The following CCDC178 variants were observed in gnomAD, a reference collection of about 807,000 sequenced individuals.
The protein encoded by CCDC178 is coiled-coil domain-containing protein 178.
CCDC178 carries 126 observed loss-of-function variants against 117.4 expected under a neutral mutation model. That is an observed-to-expected ratio of 1.07 (90% confidence interval 0.93 to 1.24). The LOEUF (loss-of-function observed/expected upper bound fraction) is 1.24. Ranked by LOEUF, CCDC178 falls within the 50% of genes most tolerant of loss-of-function variation. The probability of loss-of-function intolerance (pLI) is 0.00; values close to 1 mark genes in which losing one functional copy is unlikely to be tolerated. For missense variants in CCDC178, 1,030 were observed against 986.9 expected (o/e 1.04, Z -0.59); for synonymous variants, 283 against 313.4 (o/e 0.90, Z 1.02).
intron 20 of CCDC178, among the ~76,000 whole-genome samples, chr18:33,181,241 C>T (rs1383413355): frequency 2.0e-5 from 3 of 151,924 alleles, no homozygotes; most frequent in African/African-American, 4.8e-5. Flanking sequence ...GCTGAATCTG[C>T]TATTTGTCAT....
intron 3 of CCDC178, among the ~76,000 whole-genome samples, chr18:33,399,482 T>G (rs1221276878): frequency 2.6e-5 from 4 of 152,238 alleles, no homozygotes; most frequent in Non-Finnish European, 2.9e-5. Context: ...CAAACCCTGT[T>G]GTTAATTTGC....
At chr18:33,362,907 T>C (rs189931151) in intron 6 of CCDC178, among the ~76,000 whole-genome samples, 1 of 151,774 alleles carries the variant, frequency 6.6e-6, no homozygotes, top group Admixed American at 6.6e-5. Flanking sequence ...GTTAATTTTA[T>C]GCGATGTGAA....
chr18:33,141,989 C>A (rs1460614907), intron 20 of CCDC178, among the ~76,000 whole-genome samples: 1 of 152,164 alleles, frequency 6.6e-6, no homozygotes, highest in Non-Finnish European at 1.5e-5. Flanking sequence ...ACTGTACCAA[C>A]CCCAGCAAAT....
chr18:33,186,873 C>A (rs2058800829), intron 20 of CCDC178, among the ~76,000 whole-genome samples: 1 of 152,024 alleles, frequency 6.6e-6, no homozygotes, highest in African/African-American at 2.4e-5. Flanking sequence ...TTTTAGAAGA[C>A]CTTTGCAGTC....
At chr18:33,439,633 A>C (rs115749070) in intron 2 of CCDC178, among the ~76,000 whole-genome samples, 1 of 152,184 alleles carries the variant, frequency 6.6e-6, no homozygotes, top group African/African-American at 2.4e-5. Flanking sequence ...TGAGTTCTTA[A>C]ACTTGGTAAG....
At chr18:32,952,106 G>A (rs189744397) in intron 22 of CCDC178, among the ~76,000 whole-genome samples, 29 of 152,296 alleles carry the variant, frequency 1.9e-4, no homozygotes, top group Non-Finnish European at 3.8e-4. Context: ...TTGAGTGCCT[G>A]TGGCTTTTCC....
intron 9 of CCDC178, among the ~76,000 whole-genome samples, chr18:33,341,402 A>C (rs1217118254): frequency 1.3e-5 from 2 of 152,132 alleles, no homozygotes; most frequent in Non-Finnish European, 2.9e-5. Flanking sequence ...TTAATGCTGA[A>C]ATGAGTTAAG....
rs1159919669 is a variant in CCDC178, at chr18:33,333,311, GT to G, written c.741del (p.Lys247AsnfsTer6). On this transcript the variant is annotated frameshift_variant, in exon 10 of 23. Coordinates refer to ENST00000383096, the MANE Select transcript of CCDC178 (RefSeq NM_001105528.4). LOFTEE classifies it high-confidence loss of function. The part of the protein sequence containing the change: ...DKANQLQHFE[K>X]QKTELEEANA... ...TTTGCTTCTTCTAACTCTGTCTTTT[GT>G]TTTTCAAAATGTTGTAGTTGATTAG... The G allele has an allele frequency of 6.2e-7, 1 of 1,612,086 alleles. No homozygotes were observed. Among genetic ancestry groups the G allele is most frequent in the African/African-American group, 1.3e-5 (1 of 74,696 alleles).
At chr18:33,157,412 A>G (rs1054229444) in intron 20 of CCDC178, among the ~76,000 whole-genome samples, 5 of 152,116 alleles carry the variant, frequency 3.3e-5, no homozygotes, top group African/African-American at 1.2e-4. Context: ...TGCTTTCTGT[A>G]ACCCTTCTTT....
chr18:33,431,195 T>C (rs1157818159), intron 2 of CCDC178, among the ~76,000 whole-genome samples: 1 of 147,676 alleles, frequency 6.8e-6, no homozygotes, highest in African/African-American at 2.5e-5. Flanking sequence ...ATTTAACTTT[T>C]TTTTTTTTTT....
intron 15 of CCDC178, among the ~76,000 whole-genome samples, chr18:33,244,256 G>C (rs1013486304): frequency 6.6e-6 from 1 of 151,760 alleles, no homozygotes; most frequent in African/African-American, 2.4e-5. Context: ...TTGCTCATAA[G>C]TCTTTAAGAA....
chr18:32,955,027 T>C (rs1479140220), intron 22 of CCDC178, among the ~76,000 whole-genome samples: 1 of 152,186 alleles, frequency 6.6e-6, no homozygotes, highest in Non-Finnish European at 1.5e-5. Flanking sequence ...CAAATTGAGT[T>C]CCTGCAAGAG....
chr18:33,177,905 T>A (rs1435780607), intron 20 of CCDC178, among the ~76,000 whole-genome samples: 1 of 152,192 alleles, frequency 6.6e-6, no homozygotes, highest in Non-Finnish European at 1.5e-5. Flanking sequence ...CAACTTCTCA[T>A]ATGATCTTCT....
chr18:33,171,313 T>A (rs1343425498), intron 20 of CCDC178, among the ~76,000 whole-genome samples: 1 of 152,156 alleles, frequency 6.6e-6, no homozygotes, highest in East Asian at 1.9e-4. Flanking sequence ...TAAATCCTAT[T>A]CACTCTTCCT....
chr18:33,080,573 C>G (rs950710659), intron 21 of CCDC178, among the ~76,000 whole-genome samples: 2 of 152,094 alleles, frequency 1.3e-5, no homozygotes, highest in Non-Finnish European at 2.9e-5. Flanking sequence ...CCTGTTGACA[C>G]TTTCATCTCA....
At chr18:33,016,182 C>G (rs1010489264) in intron 21 of CCDC178, among the ~76,000 whole-genome samples, 2 of 151,946 alleles carry the variant, frequency 1.3e-5, no homozygotes, top group Non-Finnish European at 2.9e-5. Flanking sequence ...AAATAGCTGA[C>G]TTACCATTAG....
At chr18:33,025,470 TGA>T (rs2144842432) in intron 21 of CCDC178, among the ~76,000 whole-genome samples, 1 of 152,140 alleles carries the variant, frequency 6.6e-6, no homozygotes, top group East Asian at 1.9e-4. Flanking sequence ...AGCTACAGAA[TGA>T]GAGAAAATAT....
At chr18:33,163,985 C>T (rs574371826) in intron 20 of CCDC178, among the ~76,000 whole-genome samples, 1 of 152,242 alleles carries the variant, frequency 6.6e-6, no homozygotes, top group East Asian at 1.9e-4. Context: ...ATTTGCCACA[C>T]CCTGCTTCCA....
At chr18:32,958,423 T>G (rs1031184464) in intron 22 of CCDC178, among the ~76,000 whole-genome samples, 3 of 152,214 alleles carry the variant, frequency 2.0e-5, no homozygotes, top group Non-Finnish European at 4.4e-5. Flanking sequence ...ATCTGCTTTG[T>G]AACCATGGTT....
Sources: allele counts gnomAD v4.1 joint callset (sites outside exome capture counted in the v4.1 genomes callset), GRCh38; gene constraint gnomAD v4.1.1; transcripts MANE v1.5; gene names NCBI Gene and HGNC (gene_info 2026-07-23, HGNC 2026-07-21).